Variants in ACY3 observed in about 807,000 individuals in gnomAD.
ACY3 encodes N-acyl-aromatic-L-amino acid amidohydrolase (carboxylate-forming).
Under a neutral mutation model 24.6 loss-of-function variants are expected in ACY3, and 20 were observed. The ratio of observed to expected loss-of-function variants is 0.81; its 90% confidence interval spans 0.57 to 1.18. The LOEUF is 1.18. Among genes scored for constraint, ACY3 ranks in the 50% most tolerant of loss-of-function variants. ACY3 has a pLI of 0.00. For missense variants in ACY3, 423 were observed against 426.8 expected, an observed-to-expected ratio of 0.99 and a Z score of 0.08; for synonymous variants, 174 against 188.4, an observed-to-expected ratio of 0.92 and a Z score of 0.62.
intron 1 of ACY3, among the ~76,000 whole-genome samples, chr11:67,648,714 G>T (rs144780063): frequency 1.3e-5 from 2 of 152,170 alleles, no homozygotes; most frequent in South Asian, 4.1e-4. Flanking sequence ...ACACCCTCTC[G>T]GAAGCTGCCC....
At chr11:67,650,211 C>G (rs1012945913) in intron 1 of ACY3, among the ~76,000 whole-genome samples, 8 of 151,718 alleles carry the variant, frequency 5.3e-5, no homozygotes, top group Non-Finnish European at 1.0e-4. Context: ...AACTGAGACC[C>G]AGAGAGGGGT....
chr11:67,642,725 T>C lies in ACY3; in HGVS notation c.959A>G (p.Ter320=). Residue 320 remains the stop codon, a stop_retained_variant, in exon 8 of 8, where the codon TAA becomes TGA. Coordinates refer to ENST00000255082, the MANE Select transcript of ACY3 (RefSeq NM_080658.2). The stretch of plus-strand genomic sequence containing the variant: ...GAGGTTGGGGAGGTGTGTCTTGGGT[T>C]AGGAAGCTGGGCTCGGGGCAGGGGT... ...ALTPAPSPAS[*] The C allele has an allele frequency of 3.1e-6, 5 of 1,613,850 alleles. No homozygotes were observed. Among genetic ancestry groups the C allele is most frequent in the Non-Finnish European group, 4.2e-6 (5 of 1,179,854 alleles).
chr11:67,647,151 C>T, intron 2 of ACY3, 88 bp from the exon 3 acceptor site: 1 of 975,350 alleles, frequency 1.0e-6, no homozygotes, highest in Non-Finnish European at 1.5e-6. Flanking sequence ...CTCCACAGGG[C>T]AGCCACCTGT....
chr11:67,648,531 C>T (rs535915295), intron 1 of ACY3, among the ~76,000 whole-genome samples: 2 of 152,244 alleles, frequency 1.3e-5, no homozygotes, highest in African/African-American at 2.4e-5. Flanking sequence ...CAAGCTGCTC[C>T]GCCAGGGCCT....
chr11:67,647,785 GC>G (rs1855546594), intron 1 of ACY3, among the ~76,000 whole-genome samples, 196 bp from the exon 2 acceptor site: 1 of 152,226 alleles, frequency 6.6e-6, no homozygotes, highest in South Asian at 2.1e-4. Flanking sequence ...TCCTGCCCCT[GC>G]CCTTCGTCCT....
intron 7 of ACY3, 27 bp downstream of exon 7, chr11:67,644,733 C>CACACACAA: frequency 1.2e-6 from 1 of 822,664 alleles, no homozygotes. Flanking sequence ...CACCCCCCAC[C>CACACACAA]ACACACACAC....
chr11:67,646,599 A>C (rs1855521019), intron 3 of ACY3, among the ~76,000 whole-genome samples: 1 of 152,238 alleles, frequency 6.6e-6, no homozygotes. Context: ...TCCTGAACCA[A>C]CTTGCAGTCA....
intron 7 of ACY3, among the ~76,000 whole-genome samples, chr11:67,643,530 T>C (rs1855448973): frequency 6.6e-6 from 1 of 151,588 alleles, no homozygotes. Context: ...ATACAAAAAT[T>C]AGCCAGGTGT....
In ACY3 at chr11:67,645,038, G is replaced by A; in HGVS notation, c.634+7C>T. On this transcript the variant is annotated splice_region_variant and intron_variant, in intron 6 of 7. Transcript: ENST00000255082. The stretch of plus-strand genomic sequence containing the variant: ...ACCTGTTTCCCGAAAGTCCCCTGGG[G>A]TCTCACCCTGGTTGAAGAGTTCGAT... 1 of 1,613,480 alleles carries A rather than the reference G, an allele frequency of 6.2e-7. No individual in the cohort carries two copies. Among genetic ancestry groups the A allele is most frequent in the African/African-American group, 1.3e-5 (1 of 75,048 alleles).
chr11:67,646,969 C>T lies in ACY3; in HGVS notation c.75G>A (p.Met25Ile). ...AGTGCCGGGCCAGGTAGACGCCCGA[C>T]ATCTCGTTGCCATGCGTGCCCCCAG... ...AVTGGTHGNE[M>I]SGVYLARHWL... The change falls in exon 3 of 8, where the codon ATG becomes ATA. Residue 25 changes from methionine (M) to isoleucine (I), a missense_variant. Coordinates refer to ENST00000255082, the MANE Select transcript of ACY3 (RefSeq NM_080658.2). 1.3e-6 allele frequency: 2 copies of T among 1,580,312 alleles called. No individual in the cohort carries two copies. The highest frequency in any genetic ancestry group is 2.7e-5 in the African/African-American group (2 of 74,440).
chr11:67,642,842 A>G lies in ACY3; in HGVS notation c.842T>C (p.Val281Ala). ...LYEGESTVYP[V>A]FINEAAYYEK... Reference sequence around the variant, plus strand: ...ATAGTAGGCAGCCTCGTTAATGAACACGGGGTACACCGTGGACTCTCCCTC... The same window carrying G: ...ATAGTAGGCAGCCTCGTTAATGAACGCGGGGTACACCGTGGACTCTCCCTC... Residue 281 changes from valine (V) to alanine (A), a missense_variant, in exon 8 of 8, where the codon GTG (valine) becomes GCG (alanine). Transcript: ENST00000255082. 6.2e-7 allele frequency: 1 copy of G among 1,614,108 alleles called. No homozygotes were observed.
At chr11:67,649,796 C>T (rs1486114908) in intron 1 of ACY3, among the ~76,000 whole-genome samples, 1 of 143,622 alleles carries the variant, frequency 7.0e-6, no homozygotes, top group Non-Finnish European at 1.5e-5. Flanking sequence ...TGTGCATGTG[C>T]ATGAGAGTAT....
chr11:67,645,214 C>T, intron 5 of ACY3, 62 bp from the exon 6 acceptor site: 1 of 1,604,892 alleles, frequency 6.2e-7, no homozygotes, highest in East Asian at 2.2e-5. Flanking sequence ...TGAAGAGGCC[C>T]TGCCCCTTGG....
chr11:67,646,557 G>A (rs1855520341), intron 3 of ACY3, among the ~76,000 whole-genome samples: 1 of 152,236 alleles, frequency 6.6e-6, no homozygotes, highest in Non-Finnish European at 1.5e-5. Context: ...CTAATCTGAG[G>A]GAAGAATTAG....
intron 1 of ACY3, among the ~76,000 whole-genome samples, chr11:67,648,727 G>C (rs1855561802): frequency 6.6e-6 from 1 of 152,192 alleles, no homozygotes; most frequent in East Asian, 1.9e-4. Context: ...AGCTGCCCCA[G>C]ATCACACTCA....
chr11:67,642,709 G>C lies in ACY3; in HGVS notation c.*15C>G, dbSNP rs1294727836. ...TTCAGATGGGAAGACTGAGGTTGGG[G>C]AGGTGTGTCTTGGGTTAGGAAGCTG... On this transcript the variant is annotated 3_prime_UTR_variant, in exon 8 of 8. Coordinates refer to ENST00000255082, the MANE Select transcript of ACY3 (RefSeq NM_080658.2). The C allele has an allele frequency of 1.9e-6, 3 of 1,613,650 alleles. No individual in the cohort carries two copies. Among genetic ancestry groups the C allele is most frequent in the South Asian group, 1.1e-5 (1 of 91,080 alleles).
intron 3 of ACY3, among the ~76,000 whole-genome samples, chr11:67,646,242 G>A (rs2134110595): frequency 6.6e-6 from 1 of 152,338 alleles, no homozygotes; most frequent in East Asian, 1.9e-4. Flanking sequence ...CCCCTGGCTA[G>A]CTTTTAGTCA....
Position 67,645,711 on chromosome 11 carries a change from T to A in ACY3, c.413A>T (p.His138Leu). Reference protein sequence around the residue: ...AKSSHEVFAMHLCRHLQLQYP... With the variant: ...AKSSHEVFAMLLCRHLQLQYP... ...GGCCACCTGCAGATGGCGGCACAGG[T>A]GCATGGCAAAGACTTCGTGGGAGGA... The change falls in exon 4 of 8, where the codon CAC (histidine) becomes CTC (leucine). Residue 138 changes from histidine (H) to leucine (L), a missense_variant. Physicochemically the swap from His to Leu is moderately conservative, Grantham distance 99 (BLOSUM62 -3). Transcript: ENST00000255082. 1 of 1,608,990 alleles carries A rather than the reference T, an allele frequency of 6.2e-7. No homozygotes were observed. Among genetic ancestry groups the A allele is most frequent in the Non-Finnish European group, 8.5e-7 (1 of 1,177,936 alleles).
At position 67,645,035 on chromosome 11, in the gene ACY3, G is replaced by C. The variant is rs1177389095; in HGVS notation, c.634+10C>G. On this transcript the variant is annotated intron_variant, in intron 6 of 7. Coordinates refer to ENST00000255082, the MANE Select transcript of ACY3 (RefSeq NM_080658.2). ...CGGACCTGTTTCCCGAAAGTCCCCT[G>C]GGGTCTCACCCTGGTTGAAGAGTTC... is the stretch of plus-strand genomic sequence containing the variant. The C allele has an allele frequency of 6.2e-7, 1 of 1,613,240 alleles. No homozygotes were observed. The highest frequency in any genetic ancestry group is 1.1e-5 in the South Asian group (1 of 91,060).
Sources: allele counts gnomAD v4.1 joint callset (sites outside exome capture counted in the v4.1 genomes callset), GRCh38; gene constraint gnomAD v4.1.1; transcripts MANE v1.5; gene names NCBI Gene and HGNC (gene_info 2026-07-23, HGNC 2026-07-21).